The following CADM2 variants were observed in gnomAD, a reference collection of about 807,000 sequenced individuals.
CADM2 encodes the protein cell adhesion molecule 2.
CADM2 carries 12 observed loss-of-function variants against 49.8 expected under a neutral mutation model. That is an observed-to-expected ratio of 0.24 (90% CI 0.15 to 0.39). CADM2 has a LOEUF of 0.39. CADM2 is among the 10% of genes least tolerant of loss of function. The pLI is 1.00. For synonymous variants in CADM2, 214 were observed against 175.4 expected (o/e 1.22, Z -1.74); for missense variants, 378 against 492.3 (o/e 0.77, Z 2.20).
At chr3:85,418,970 G>GA (rs145250965) in intron 1 of CADM2, among the ~76,000 whole-genome samples, 84,966 of 150,644 alleles carry the variant, frequency 0.56, 24,861 homozygotes, top group East Asian at 0.83. Context: ...TTTGAGAGGG[G>GA]AAAAAAAAAT....
At chr3:85,347,964 C>T (rs567244480) in intron 1 of CADM2, among the ~76,000 whole-genome samples, 68 of 152,088 alleles carry the variant, frequency 4.5e-4, no homozygotes, top group Non-Finnish European at 8.2e-4. Context: ...CCCACCACTG[C>T]GCCTGGCTAA....
At chr3:85,729,095 G>A (rs1331666165) in intron 2 of CADM2, among the ~76,000 whole-genome samples, 1 of 152,084 alleles carries the variant, frequency 6.6e-6, no homozygotes, top group African/African-American at 2.4e-5. Flanking sequence ...TCCAAGGGTG[G>A]TTTCTCAATC....
intron 1 of CADM2, among the ~76,000 whole-genome samples, chr3:85,658,480 T>C (rs2107602320): frequency 6.6e-6 from 1 of 150,580 alleles, no homozygotes; most frequent in Middle Eastern, 3.5e-3. Context: ...AGCAAGCTAA[T>C]ACAACATATT....
chr3:85,944,811 C>T (rs1406898090), intron 7 of CADM2, among the ~76,000 whole-genome samples: 1 of 151,748 alleles, frequency 6.6e-6, no homozygotes, highest in East Asian at 1.9e-4. Context: ...ACTAAAGGCC[C>T]ACAAGACAAA....
intron 2 of CADM2, among the ~76,000 whole-genome samples, chr3:85,801,352 T>C (rs151123410): frequency 5.3e-5 from 8 of 152,220 alleles, no homozygotes; most frequent in Non-Finnish European, 1.2e-4. Context: ...ATAAAAGAAA[T>C]ATGTATTACT....
At chr3:85,076,967 G>A (rs1200791908) in intron 1 of CADM2, among the ~76,000 whole-genome samples, 3 of 152,190 alleles carry the variant, frequency 2.0e-5, no homozygotes, top group South Asian at 2.1e-4. Flanking sequence ...GAGAGACTCC[G>A]TCTCAAAATA....
chr3:85,719,211 AT>A (rs1328326970), intron 1 of CADM2, among the ~76,000 whole-genome samples: 1 of 152,194 alleles, frequency 6.6e-6, no homozygotes, highest in Non-Finnish European at 1.5e-5. Flanking sequence ...ATTGTAAGTA[AT>A]TTACACATAT....
chr3:85,167,976 G>A (rs780918725), intron 1 of CADM2, among the ~76,000 whole-genome samples: 3 of 151,780 alleles, frequency 2.0e-5, no homozygotes, highest in East Asian at 1.9e-4. Context: ...CTAGAGCTTC[G>A]GGCCTAAACA....
chr3:85,106,060 A>G (rs996943919), intron 1 of CADM2, among the ~76,000 whole-genome samples: 1 of 152,116 alleles, frequency 6.6e-6, no homozygotes, highest in Non-Finnish European at 1.5e-5. Flanking sequence ...AAACCTGCAC[A>G]TTGTGCACAT....
intron 1 of CADM2, among the ~76,000 whole-genome samples, chr3:85,289,718 A>C (rs570655503): frequency 6.6e-6 from 1 of 152,196 alleles, no homozygotes. Flanking sequence ...TTTATTAAAA[A>C]AATTGCCCTT....
At chr3:85,993,904 G>A (rs1729069013) in intron 8 of CADM2, 2 of 151,968 alleles carry the variant, frequency 1.3e-5, no homozygotes, top group African/African-American at 4.8e-5. Context: ...TAACATTGAT[G>A]GAGCACAGAT....
chr3:85,667,393 A>C (rs13080469), intron 1 of CADM2, among the ~76,000 whole-genome samples: 1 of 151,814 alleles, frequency 6.6e-6, no homozygotes, highest in African/African-American at 2.4e-5. Flanking sequence ...CAGTATTAAG[A>C]CTTAAAGTCC....
At chr3:85,627,654 T>G (rs2107510307) in intron 1 of CADM2, among the ~76,000 whole-genome samples, 1 of 152,074 alleles carries the variant, frequency 6.6e-6, no homozygotes, top group Middle Eastern at 3.4e-3. Context: ...ACTCAAAGTC[T>G]AACATTCTAT....
At chr3:86,019,976 G>T (rs1435267872) in intron 8 of CADM2, among the ~76,000 whole-genome samples, 3 of 151,970 alleles carry the variant, frequency 2.0e-5, no homozygotes, top group Non-Finnish European at 4.4e-5. Context: ...CAGAAGGCAA[G>T]AAATAACTAA....
At chr3:85,446,569 T>A (rs2037459828) in intron 1 of CADM2, among the ~76,000 whole-genome samples, 1 of 151,572 alleles carries the variant, frequency 6.6e-6, no homozygotes, top group East Asian at 2.0e-4. Flanking sequence ...TATAATATTT[T>A]ATAAAAGTGT....
At chr3:85,164,629 A>G (rs1364687594) in intron 1 of CADM2, among the ~76,000 whole-genome samples, 3 of 152,158 alleles carry the variant, frequency 2.0e-5, no homozygotes, top group African/African-American at 2.4e-5. Context: ...TCAGAATGCA[A>G]TCAGGCATGT....
At chr3:85,268,803 A>G (rs931596522) in intron 1 of CADM2, among the ~76,000 whole-genome samples, 7 of 151,310 alleles carry the variant, frequency 4.6e-5, no homozygotes, top group African/African-American at 1.7e-4. Context: ...AACTAAGGAA[A>G]ATCAATAAAA....
intron 1 of CADM2, among the ~76,000 whole-genome samples, chr3:85,595,765 A>G (rs1163384878): frequency 6.6e-6 from 1 of 152,002 alleles, no homozygotes; most frequent in Non-Finnish European, 1.5e-5. Flanking sequence ...TTTAAGTGCA[A>G]TATGTTATTT....
chr3:85,077,539 T>C (rs909354503), intron 1 of CADM2, among the ~76,000 whole-genome samples: 2 of 152,102 alleles, frequency 1.3e-5, no homozygotes, highest in Non-Finnish European at 2.9e-5. Flanking sequence ...TCTATTCTTG[T>C]AAACCCAAAC....
Sources: allele counts gnomAD v4.1 joint callset (sites outside exome capture counted in the v4.1 genomes callset), GRCh38; gene constraint gnomAD v4.1.1; transcripts MANE v1.5; gene names NCBI Gene and HGNC (gene_info 2026-07-23, HGNC 2026-07-21).